CNGB3: variants seen among roughly 807,000 people sequenced by gnomAD.
CNGB3 encodes the protein cyclic nucleotide-gated channel beta-3.
CNGB3 carries 86 observed loss-of-function variants against 92.8 expected under a neutral mutation model. The observed-to-expected ratio is 0.93, with a 90% confidence interval of 0.78 to 1.11. The LOEUF is 1.11. CNGB3 is among the 50% of genes least tolerant of loss of function. The pLI is 0.00. For missense variants in CNGB3, 1,026 were observed against 956.8 expected (o/e 1.07, Z -0.95); for synonymous variants, 333 against 332.7 (o/e 1.00, Z -0.01).
chr8:86,691,965 C>G (rs2131638444), intron 3 of CNGB3, among the ~76,000 whole-genome samples: 1 of 152,192 alleles, frequency 6.6e-6, no homozygotes, highest in Non-Finnish European at 1.5e-5. Context: ...TAATGTTCAT[C>G]TTGATTTCAT....
chr8:86,604,207 T>G lies in CNGB3; in HGVS notation c.1667A>C (p.Glu556Ala). ...LPGDFVCKKG[E>A]IGKEMYIIKH... Reference sequence around the variant, plus strand: ...GATGATATACATTTCCTTGCCAATTTCTCCCTACATTTTAAATATAAAGAG... The same window carrying G: ...GATGATATACATTTCCTTGCCAATTGCTCCCTACATTTTAAATATAAAGAG... Residue 556 changes from glutamate (E) to alanine (A), a missense_variant, in exon 15 of 18, where the codon GAA becomes GCA. Transcript: ENST00000320005. 6.3e-7 allele frequency: 1 copy of G among 1,589,962 alleles called. No individual in the cohort carries two copies. Among genetic ancestry groups the G allele is most frequent in the Non-Finnish European group, 8.6e-7 (1 of 1,158,240 alleles).
Position 86,691,159 on chromosome 8 carries a change from A to C in CNGB3, c.339-20061T>G, listed in dbSNP as rs186310681. On this transcript the variant is annotated intron_variant, in intron 3 of 17. Transcript: ENST00000320005. ...TGTTGTAAAAGGAGTTGAGTTCTTG[A>C]TTTCATTCTCAGCTTGGTTGGTGTT... Among the ~76,000 whole-genome samples the C allele has an allele frequency of 2.4e-4, 36 of 152,056 alleles. No individual in the cohort carries two copies. The East Asian group carries it at 6.6e-3, about 28-fold the overall frequency.
rs1272230513 is a variant in CNGB3, at chr8:86,632,904, A to G, written c.1179-11T>C. 4 of 1,611,558 alleles carry G rather than the reference A, an allele frequency of 2.5e-6. No homozygotes were observed. Among genetic ancestry groups the G allele is most frequent in the Non-Finnish European group, 3.4e-6 (4 of 1,179,470 alleles). On this transcript the variant is annotated splice_polypyrimidine_tract_variant and intron_variant, in intron 10 of 17. Coordinates refer to ENST00000320005, the MANE Select transcript of CNGB3 (RefSeq NM_019098.5). The stretch of plus-strand genomic sequence containing the variant: ...TAACATCTCAGATACCTGTGAAAAC[A>G]GAAGATATACATTTTGCTTTTTTTC...
intron 3 of CNGB3, among the ~76,000 whole-genome samples, chr8:86,688,141 G>A (rs577704206): frequency 1.3e-5 from 2 of 152,076 alleles, no homozygotes; most frequent in African/African-American, 4.8e-5. Context: ...GATCTTATGG[G>A]AGCTAAGAGA....
At chr8:86,614,467 T>A (rs1822576827) in intron 13 of CNGB3, among the ~76,000 whole-genome samples, 1 of 152,118 alleles carries the variant, frequency 6.6e-6, no homozygotes, top group Non-Finnish European at 1.5e-5. Context: ...CCCCACTGGT[T>A]GAGCACGAGT....
chr8:86,628,555 C>T (rs543022142), intron 12 of CNGB3, among the ~76,000 whole-genome samples: 87 of 152,160 alleles, frequency 5.7e-4, no homozygotes, highest in Non-Finnish European at 1.1e-3. Context: ...TGTGCTGGCT[C>T]TGTGTCTTCG....
At chr8:86,657,862 T>G (rs926314256) in intron 6 of CNGB3, 36 of 535,264 alleles carry the variant, frequency 6.7e-5, no homozygotes, top group South Asian at 1.4e-4. Flanking sequence ...TACAGTGTGA[T>G]GTACTTTCCT....
intron 3 of CNGB3, among the ~76,000 whole-genome samples, chr8:86,714,422 C>A (rs1363301058): frequency 6.6e-6 from 1 of 152,128 alleles, no homozygotes; most frequent in Non-Finnish European, 1.5e-5. Context: ...AAATTATATT[C>A]ACCCCAAATA....
intron 15 of CNGB3, among the ~76,000 whole-genome samples, chr8:86,590,049 ATAGT>A (rs1447828403): frequency 1.3e-5 from 2 of 150,282 alleles, no homozygotes; most frequent in Non-Finnish European, 3.0e-5. Flanking sequence ...TATATTTAGG[ATAGT>A]TAGCTCTTCT....
chr8:86,597,435 A>C (rs1033300221), intron 15 of CNGB3, among the ~76,000 whole-genome samples: 3 of 152,188 alleles, frequency 2.0e-5, no homozygotes, highest in Non-Finnish European at 4.4e-5. Context: ...AAATAAATGC[A>C]CTAATGCATG....
At chr8:86,741,426 G>A (rs541197940) in intron 1 of CNGB3, among the ~76,000 whole-genome samples, 30 of 152,246 alleles carry the variant, frequency 2.0e-4, no homozygotes, top group African/African-American at 7.0e-4. Flanking sequence ...CACTTTGCAA[G>A]GACAAGGTGG....
intron 3 of CNGB3, among the ~76,000 whole-genome samples, chr8:86,683,367 TG>T (rs972776665): frequency 1.3e-5 from 2 of 152,006 alleles, no homozygotes; most frequent in African/African-American, 4.8e-5. Flanking sequence ...GCTGGGTATG[TG>T]GGTGAAATTT....
chr8:86,674,025 C>T (rs533819007), intron 3 of CNGB3, among the ~76,000 whole-genome samples: 4 of 152,282 alleles, frequency 2.6e-5, no homozygotes, highest in Non-Finnish European at 4.4e-5. Flanking sequence ...ATCAGCACAA[C>T]GTAGGTTTTA....
At chr8:86,685,599 T>C (rs1824171299) in intron 3 of CNGB3, among the ~76,000 whole-genome samples, 1 of 152,130 alleles carries the variant, frequency 6.6e-6, no homozygotes, top group Non-Finnish European at 1.5e-5. Context: ...CTAACGATTC[T>C]CGCAAAACTC....
chr8:86,718,097 T>C (rs1246804452), intron 3 of CNGB3, among the ~76,000 whole-genome samples: 1 of 151,730 alleles, frequency 6.6e-6, no homozygotes, highest in African/African-American at 2.4e-5. Context: ...AGGTCACACC[T>C]CATGGACCTG....
At chr8:86,699,772 A>G (rs527739465) in intron 3 of CNGB3, among the ~76,000 whole-genome samples, 2 of 152,326 alleles carry the variant, frequency 1.3e-5, no homozygotes, top group Admixed American at 1.3e-4. Context: ...TTGTCCAAGT[A>G]TGGTATTTGA....
chr8:86,704,962 C>T (rs931927492), intron 3 of CNGB3, among the ~76,000 whole-genome samples: 3 of 151,956 alleles, frequency 2.0e-5, no homozygotes, highest in Admixed American at 2.0e-4. Context: ...CACCAGCAAC[C>T]CACGAACTAG....
intron 3 of CNGB3, among the ~76,000 whole-genome samples, chr8:86,714,817 G>C (rs1325730948): frequency 6.6e-6 from 1 of 152,126 alleles, no homozygotes; most frequent in African/African-American, 2.4e-5. Flanking sequence ...GTGGGAGTGA[G>C]ACCAGCCCTT....
At chr8:86,731,694 G>T (rs1563769213) in intron 2 of CNGB3, among the ~76,000 whole-genome samples, 1 of 152,054 alleles carries the variant, frequency 6.6e-6, no homozygotes, top group Admixed American at 6.6e-5. Flanking sequence ...GGTGACTCTG[G>T]ATAAGTCTCT....
Sources: allele counts gnomAD v4.1 joint callset (sites outside exome capture counted in the v4.1 genomes callset), GRCh38; gene constraint gnomAD v4.1.1; transcripts MANE v1.5; gene names NCBI Gene and HGNC (gene_info 2026-07-23, HGNC 2026-07-21).